Variants in EPHA3 observed in about 807,000 individuals in gnomAD.
EPHA3 encodes EPH receptor A3, also known as ephrin type-A receptor 3.
In EPHA3, 42 loss-of-function variants were observed where a neutral mutation model predicts 107.1. That is an observed-to-expected ratio of 0.39 (90% CI 0.31 to 0.51). EPHA3 has a LOEUF of 0.51. Ranked by LOEUF, EPHA3 falls within the 20% of genes least tolerant of loss-of-function variation. The pLI is 0.78. For synonymous variants in EPHA3, 461 were observed against 424.8 expected (o/e 1.09, Z -1.05); for missense variants, 1,183 against 1,211.2 (o/e 0.98, Z 0.35).
chr3:89,399,583 C>T, intron 7 of EPHA3, 103 bp downstream of exon 7: 2 of 1,509,292 alleles, frequency 1.3e-6, no homozygotes, highest in Non-Finnish European at 1.8e-6. Flanking sequence ...AAATGTGATA[C>T]ATTTAAGGTA....
At chr3:89,174,194 G>A (rs1195443089) in intron 2 of EPHA3, among the ~76,000 whole-genome samples, 3 of 151,990 alleles carry the variant, frequency 2.0e-5, no homozygotes, top group Non-Finnish European at 2.9e-5. Context: ...GGTGAAAGCT[G>A]CACATTAAAT....
intron 2 of EPHA3, among the ~76,000 whole-genome samples, chr3:89,153,738 T>C (rs896866949): frequency 6.6e-6 from 1 of 152,106 alleles, no homozygotes; most frequent in Non-Finnish European, 1.5e-5. Flanking sequence ...ATAGTTACAC[T>C]CTGTGTTCAT....
chr3:89,199,762 T>C (rs1315670217), intron 2 of EPHA3, among the ~76,000 whole-genome samples: 3 of 152,186 alleles, frequency 2.0e-5, no homozygotes, highest in Admixed American at 6.5e-5. Context: ...AAGTCTGTCA[T>C]TGGTCTTATA....
intron 15 of EPHA3, among the ~76,000 whole-genome samples, chr3:89,466,986 A>G (rs1411349582): frequency 6.6e-6 from 1 of 152,040 alleles, no homozygotes; most frequent in Admixed American, 6.6e-5. Flanking sequence ...AATAAACACA[A>G]TGACTTTATT....
intron 5 of EPHA3, among the ~76,000 whole-genome samples, chr3:89,348,046 T>C (rs1277009452): frequency 1.3e-5 from 2 of 150,418 alleles, no homozygotes; most frequent in Non-Finnish European, 3.0e-5. Context: ...TTTGCATCAA[T>C]GTTCATCAAG....
intron 5 of EPHA3, among the ~76,000 whole-genome samples, chr3:89,393,128 T>C (rs1221765670): frequency 6.6e-6 from 1 of 152,142 alleles, no homozygotes; most frequent in East Asian, 1.9e-4. Flanking sequence ...AAGGGGCGTG[T>C]ATTAAAAGAG....
intron 11 of EPHA3, 37 bp from the exon 12 acceptor site, chr3:89,429,069 T>C (rs775510520): frequency 7.1e-7 from 1 of 1,400,940 alleles, no homozygotes; most frequent in Admixed American, 1.7e-5. Flanking sequence ...ATACTTGAAC[T>C]GTACTGATTA....
At chr3:89,204,576 ATAT>A (rs1455025798) in intron 2 of EPHA3, among the ~76,000 whole-genome samples, 1 of 149,404 alleles carries the variant, frequency 6.7e-6, no homozygotes, top group East Asian at 2.0e-4. Flanking sequence ...TCTTTTTATA[ATAT>A]ACCTTTAGAA....
intron 5 of EPHA3, among the ~76,000 whole-genome samples, chr3:89,378,792 G>A (rs536352659): frequency 6.6e-6 from 1 of 152,144 alleles, no homozygotes; most frequent in African/African-American, 2.4e-5. Context: ...CTTTACTTAT[G>A]AAATCCAAAA....
At chr3:89,390,785 A>C in intron 5 of EPHA3, among the ~76,000 whole-genome samples, 1 of 132,106 alleles carries the variant, frequency 7.6e-6, no homozygotes, top group African/African-American at 2.8e-5. Context: ...ATTGAAAAGC[A>C]TTTTTTTTTT....
At chr3:89,169,584 T>G (rs1347794082) in intron 2 of EPHA3, among the ~76,000 whole-genome samples, 1 of 152,174 alleles carries the variant, frequency 6.6e-6, no homozygotes, top group African/African-American at 2.4e-5. Flanking sequence ...AATGAAGAGA[T>G]AAAAAATCAC....
intron 8 of EPHA3, 100 bp from the exon 9 acceptor site, chr3:89,407,967 G>T: frequency 8.8e-7 from 1 of 1,142,176 alleles, no homozygotes; most frequent in South Asian, 1.4e-5. Flanking sequence ...TTAATTGTTT[G>T]AGGAAAATGT....
At chr3:89,352,006 A>T (rs2107443672) in intron 5 of EPHA3, among the ~76,000 whole-genome samples, 1 of 151,144 alleles carries the variant, frequency 6.6e-6, no homozygotes. Context: ...TGATGCAGGG[A>T]ATTTCAGAGT....
At chr3:89,181,479 T>A (rs990764205) in intron 2 of EPHA3, among the ~76,000 whole-genome samples, 1 of 151,880 alleles carries the variant, frequency 6.6e-6, no homozygotes, top group African/African-American at 2.4e-5. Context: ...TAATAGGTAG[T>A]CAATGACAAC....
At chr3:89,197,665 G>T (rs1705870088) in intron 2 of EPHA3, among the ~76,000 whole-genome samples, 1 of 152,130 alleles carries the variant, frequency 6.6e-6, no homozygotes, top group Non-Finnish European at 1.5e-5. Context: ...TTAGAAAAAA[G>T]ATAGCAGACT....
chr3:89,211,597 G>A (rs1226307594), intron 3 of EPHA3, among the ~76,000 whole-genome samples: 4 of 151,830 alleles, frequency 2.6e-5, no homozygotes, highest in African/African-American at 7.3e-5. Context: ...TTTAAATCTG[G>A]ACAGAACATA....
intron 13 of EPHA3, among the ~76,000 whole-genome samples, chr3:89,435,423 G>T (rs1709647663): frequency 1.4e-5 from 2 of 146,222 alleles, no homozygotes; most frequent in South Asian, 2.1e-4. Flanking sequence ...AACATAGCAA[G>T]ACTTCATCTC....
intron 3 of EPHA3, among the ~76,000 whole-genome samples, chr3:89,281,905 G>A (rs12638746): frequency 0.27 from 41,542 of 152,060 alleles, 7,188 homozygotes; most frequent in South Asian, 0.45. Context: ...TTAGAAAATG[G>A]TAATATAGTT....
At chr3:89,158,020 T>C (rs1392427789) in intron 2 of EPHA3, among the ~76,000 whole-genome samples, 1 of 152,100 alleles carries the variant, frequency 6.6e-6, no homozygotes, top group Admixed American at 6.6e-5. Flanking sequence ...AGCCTACCAT[T>C]GCTTGTTTGT....
Sources: allele counts gnomAD v4.1 joint callset (sites outside exome capture counted in the v4.1 genomes callset), GRCh38; gene constraint gnomAD v4.1.1; transcripts MANE v1.5; gene names NCBI Gene and HGNC (gene_info 2026-07-23, HGNC 2026-07-21).